CAP2: variants seen among roughly 807,000 people sequenced by gnomAD.
CAP2 encodes the protein adenylyl cyclase-associated protein 2.
In CAP2, 24 loss-of-function variants were observed where a neutral mutation model predicts 57.7. The ratio of observed to expected loss-of-function variants is 0.42; its 90% CI spans 0.30 to 0.58. CAP2 has a LOEUF of 0.58. Among genes scored for constraint, CAP2 ranks in the 20% least tolerant of loss-of-function variants. The pLI is 0.22. For missense variants in CAP2, 501 were observed against 590.3 expected (o/e 0.85, Z 1.57); for synonymous variants, 194 against 207.2 (o/e 0.94, Z 0.55).
chr6:17,507,267 T>G lies in CAP2; in HGVS notation c.399T>G (p.Leu133=), dbSNP rs1285410965. Residue 133 remains leucine, a synonymous_variant, in exon 5 of 13, where the codon CTT becomes CTG. Transcript: ENST00000229922. ...RNRGSNMFNH[L]SAVSESIPAL... ...GGGGGAGTAACATGTTTAATCATCT[T>G]TCGGCCGTCAGCGAAAGCATCCCTG... The G allele has an allele frequency of 1.2e-6, 2 of 1,614,092 alleles. No individual in the cohort carries two copies. Among genetic ancestry groups the G allele is most frequent in the African/African-American group, 1.3e-5 (1 of 74,926 alleles).
intron 7 of CAP2, among the ~76,000 whole-genome samples, chr6:17,524,895 T>TTTC (rs1181380395): frequency 3.7e-3 from 17 of 4,550 alleles, no homozygotes; most frequent in African/African-American, 5.9e-3. Context: ...TTTCTTTTCT[T>TTTC]TTTTTTTTTT....
intron 1 of CAP2, among the ~76,000 whole-genome samples, chr6:17,401,468 A>G (rs2113501092): frequency 6.6e-6 from 1 of 152,348 alleles, no homozygotes; most frequent in East Asian, 1.9e-4. Context: ...CAAGTGATAG[A>G]TCAATATGAT....
chr6:17,508,520 G>A (rs1762048365), intron 6 of CAP2, among the ~76,000 whole-genome samples: 1 of 152,152 alleles, frequency 6.6e-6, no homozygotes, highest in South Asian at 2.1e-4. Flanking sequence ...TGTGGCTGGT[G>A]CCTAGGAACT....
At chr6:17,525,477 A>G (rs910233441) in intron 7 of CAP2, among the ~76,000 whole-genome samples, 3 of 151,562 alleles carry the variant, frequency 2.0e-5, no homozygotes, top group African/African-American at 7.3e-5. Flanking sequence ...TCAAAAAAAA[A>G]AAAGAAAGAA....
intron 7 of CAP2, among the ~76,000 whole-genome samples, chr6:17,525,597 T>C (rs1325784816): frequency 6.6e-6 from 1 of 152,250 alleles, no homozygotes; most frequent in Non-Finnish European, 1.5e-5. Context: ...ATTTCTTTTG[T>C]GTTGCTTAGC....
intron 1 of CAP2, among the ~76,000 whole-genome samples, chr6:17,414,159 A>C (rs1759216518): frequency 6.6e-6 from 1 of 152,170 alleles, no homozygotes; most frequent in Non-Finnish European, 1.5e-5. Flanking sequence ...GTCCATTGTA[A>C]CTTTATTTTT....
At chr6:17,428,797 T>C (rs1433566141) in intron 3 of CAP2, among the ~76,000 whole-genome samples, 1 of 151,482 alleles carries the variant, frequency 6.6e-6, no homozygotes, top group East Asian at 1.9e-4. Context: ...TTAAAAAAAG[T>C]ATAAAGGGAT....
Position 17,449,373 on chromosome 6 carries a change from A to T in CAP2, c.223-13623A>T, listed in dbSNP as rs539754985. ...CAGTTTTGACCCTATTGTAAACCAA[A>T]TTGCAGTTAAAAGCCTTGTGCAATT... is the stretch of plus-strand genomic sequence containing the variant. On this transcript the variant is annotated intron_variant, in intron 3 of 12. Transcript: ENST00000229922. Among the ~76,000 whole-genome samples the T allele has an allele frequency of 1.9e-4, 29 of 152,212 alleles. 1 individual carries two copies. In the South Asian group the frequency reaches 4.3e-3, roughly 23 times the overall value.
chr6:17,524,893 CTTTTT>C (rs11325666), intron 7 of CAP2, among the ~76,000 whole-genome samples: 2 of 109,620 alleles, frequency 1.8e-5, no homozygotes, highest in Non-Finnish European at 3.7e-5. Context: ...CTTTTCTTTT[CTTTTT>C]TTTTTTTTTT....
chr6:17,513,192 A>G lies in CAP2; in HGVS notation c.531-657A>G, dbSNP rs987662303. On this transcript the variant is annotated intron_variant, in intron 6 of 12. Transcript: ENST00000229922. The surrounding 1 kb of genome is among the most constrained non-coding windows in gnomAD (Gnocchi z 4.3). ...TTACTAGCCCTTGGTTCAATAAAAT[A>G]GAGATAAAAATACTGGTGATGCCTT... Among the ~76,000 whole-genome samples, 4 of 152,222 alleles carry G rather than the reference A, an allele frequency of 2.6e-5. No individual in the cohort carries two copies. The highest frequency in any genetic ancestry group is 6.5e-5 in the Admixed American group (1 of 15,278).
chr6:17,556,591 G>T lies in CAP2; in HGVS notation c.*149G>T, dbSNP rs980182035. ...TGCTATAGATACAGCACTGTTTCTG[G>T]CACGCCTCGTGGGCATTTTGAAATA... On this transcript the variant is annotated 3_prime_UTR_variant, in exon 13 of 13. Coordinates refer to ENST00000229922, the MANE Select transcript of CAP2 (RefSeq NM_006366.3). The T allele has an allele frequency of 4.6e-5, 27 of 591,768 alleles. No individual in the cohort carries two copies. Among genetic ancestry groups the T allele is most frequent in the Non-Finnish European group, 1.5e-5 (5 of 326,864 alleles). 36.7% of individuals were successfully genotyped at this position (591,768 alleles called of 1,614,324 possible). A position where few individuals can be genotyped will look rare whatever the true frequency, so the allele number is the denominator to read the frequency against.
At chr6:17,496,467 C>T (rs1467139862) in intron 4 of CAP2, among the ~76,000 whole-genome samples, 1 of 152,016 alleles carries the variant, frequency 6.6e-6, no homozygotes, top group Non-Finnish European at 1.5e-5. Context: ...CTATGGGATG[C>T]ATTGCTCTGT....
chr6:17,487,211 C>T (rs1761439979), intron 4 of CAP2, among the ~76,000 whole-genome samples: 1 of 152,196 alleles, frequency 6.6e-6, no homozygotes, highest in African/African-American at 2.4e-5. Context: ...CTCCTTCTCC[C>T]ATCCCCCTTG....
chr6:17,418,312 C>G (rs1759340296), intron 1 of CAP2, among the ~76,000 whole-genome samples: 1 of 152,198 alleles, frequency 6.6e-6, no homozygotes, highest in South Asian at 2.1e-4. Context: ...CCAGAGACAT[C>G]TCTCCAACTT....
chr6:17,536,650 A>G (rs1014122804), intron 7 of CAP2, among the ~76,000 whole-genome samples: 2 of 152,208 alleles, frequency 1.3e-5, no homozygotes, highest in Non-Finnish European at 2.9e-5. Flanking sequence ...TCTGAGAGCT[A>G]GGGAACCATC....
intron 11 of CAP2, 24 bp from the exon 12 acceptor site, chr6:17,551,440 C>T (rs781603126): frequency 2.6e-5 from 40 of 1,565,174 alleles, no homozygotes; most frequent in Admixed American, 1.5e-4. Context: ...TTGCTTTGGT[C>T]CCAGGTATTT....
At position 17,426,824 on chromosome 6, in the gene CAP2, A is replaced by C; in HGVS notation, c.222+134A>C. 6.2e-6 allele frequency: 4 copies of C among 650,284 alleles called. No individual in the cohort carries two copies. In the South Asian group the frequency reaches 7.3e-5, roughly 12 times the overall value. 40.3% of individuals were successfully genotyped at this position (650,284 alleles called of 1,614,324 possible). ...TCTGGCTAGGCAGATGGTGGCTAAA[A>C]CATTCATTTACCCATTTATTCATTT... is the stretch of plus-strand genomic sequence containing the variant. On this transcript the variant is annotated intron_variant, in intron 3 of 12. Coordinates refer to ENST00000229922, the MANE Select transcript of CAP2 (RefSeq NM_006366.3).
Position 17,543,247 on chromosome 6 carries a change from A to G in CAP2, c.1209+104A>G. The stretch of plus-strand genomic sequence containing the variant: ...CACGCTGTAGTAAGCAGCCTTTCCA[A>G]CCACGCTGTAATAAGCAGCCTTTCC... On this transcript the variant is annotated intron_variant, in intron 11 of 12. Coordinates refer to ENST00000229922, the MANE Select transcript of CAP2 (RefSeq NM_006366.3). 4.4e-6 allele frequency: 4 copies of G among 918,814 alleles called. 1 individual carries two copies. The Admixed American group carries it at 7.7e-5, about 18-fold the overall frequency. The allele number at this position is 918,814 out of a possible 1,614,324, so 56.9% of individuals were successfully genotyped here.
intron 1 of CAP2, among the ~76,000 whole-genome samples, chr6:17,408,259 T>C (rs1386251884): frequency 6.6e-6 from 1 of 152,160 alleles, no homozygotes; most frequent in South Asian, 2.1e-4. Flanking sequence ...GAAGCTGGAA[T>C]GTGCAGATTA....
Sources: gnomAD v4.1 joint callset for allele counts (sites outside exome capture counted in the v4.1 genomes callset) on GRCh38, gnomAD v4.1.1 for gene constraint, Gnocchi (gnomAD v3.1) non-coding constraint, MANE v1.5 for transcripts, NCBI Gene and HGNC (gene_info 2026-07-23, HGNC 2026-07-21) for gene names.